Variants in ZNF487 observed in about 807,000 individuals in gnomAD.
ZNF487 encodes zinc finger protein 487, also known as KRAB domain only 1.
ZNF487 carries 4 observed loss-of-function variants against 3.0 expected under a neutral mutation model. The observed-to-expected ratio is 1.35, with a 90% CI of 0.66 to 3.08. The LOEUF (loss-of-function observed/expected upper bound fraction) is 3.08, where lower values mean the gene tolerates loss of function less well. Among genes scored for constraint, ZNF487 ranks in the 30% most tolerant of loss-of-function variants. ZNF487 has a pLI of 0.01. For synonymous variants in ZNF487, 55 were observed against 34.6 expected, an observed-to-expected ratio of 1.59 and a Z score of -2.06; for missense variants, 146 against 98.7, an observed-to-expected ratio of 1.48 and a Z score of -2.03.
chr10:43,455,061 T>C lies in ZNF487; in HGVS notation c.-94+17799T>C, dbSNP rs113814494. Among the ~76,000 whole-genome samples the C allele has an allele frequency of 2.7e-5, 4 of 147,028 alleles. 1 individual carries two copies. Among genetic ancestry groups the C allele is most frequent in the African/African-American group, 1.0e-4 (4 of 39,470 alleles). On this transcript the variant is annotated intron_variant, in intron 1 of 3. Transcript: ENST00000437590. ...TCTCGCTCTGTTGCCCCGTCCGGAGTGCAGTGGGTCCATCTCGGCTCACTG... is the reference window on the plus strand; with the variant it reads ...TCTCGCTCTGTTGCCCCGTCCGGAGCGCAGTGGGTCCATCTCGGCTCACTG...
At chr10:43,520,884 G>A in the ZNF487 span, among the ~76,000 whole-genome samples, 2 of 152,200 alleles carry the variant, frequency 1.3e-5, no homozygotes, top group African/African-American at 2.4e-5. Flanking sequence ...GTAATAAGGA[G>A]TGACAGTTGC....
the ZNF487 span, among the ~76,000 whole-genome samples, chr10:43,518,244 T>C: frequency 6.6e-6 from 1 of 152,188 alleles, no homozygotes; most frequent in South Asian, 2.1e-4. Flanking sequence ...TACACAGTGG[T>C]GAGCTTTTGG....
the ZNF487 span, among the ~76,000 whole-genome samples, chr10:43,521,105 A>T: frequency 6.6e-6 from 1 of 152,192 alleles, no homozygotes; most frequent in Non-Finnish European, 1.5e-5. Flanking sequence ...ATCATGATTC[A>T]TGGTATTCAT....
chr10:43,515,581 AC>A, the ZNF487 span, among the ~76,000 whole-genome samples: 696 of 152,282 alleles, frequency 4.6e-3, 4 homozygotes, highest in African/African-American at 0.015. Flanking sequence ...CAATGCCCTT[AC>A]TTTTGCAATA....
chr10:43,477,956 G>GA (rs756122013), intron 3 of ZNF487, among the ~76,000 whole-genome samples: 5,034 of 112,926 alleles, frequency 0.045, 107 homozygotes, highest in Non-Finnish European at 0.053. Context: ...ATCTCGAAAA[G>GA]AAAAAAAAAA....
the ZNF487 span, among the ~76,000 whole-genome samples, chr10:43,493,389 ACT>A: frequency 6.6e-6 from 1 of 151,444 alleles, no homozygotes; most frequent in Admixed American, 6.6e-5. Flanking sequence ...TTGTATTTGA[ACT>A]CTTTCTAAAA....
At chr10:43,497,694 G>A in the ZNF487 span, among the ~76,000 whole-genome samples, 3 of 152,176 alleles carry the variant, frequency 2.0e-5, no homozygotes, top group East Asian at 1.9e-4. Flanking sequence ...TAGGCTGGGC[G>A]CGGTGGCTCA....
chr10:43,452,994 G>A (rs1389036803), intron 1 of ZNF487: 1 of 151,442 alleles, frequency 6.6e-6, no homozygotes, highest in Non-Finnish European at 1.5e-5. Context: ...GAATGTAGTC[G>A]ACTGGTGATT....
At chr10:43,447,530 C>A (rs1839857227) in intron 1 of ZNF487, among the ~76,000 whole-genome samples, 1 of 152,198 alleles carries the variant, frequency 6.6e-6, no homozygotes, top group East Asian at 1.9e-4. Context: ...GCGTGAGCCA[C>A]CACGCACAGC....
downstream of ZNF487, among the ~76,000 whole-genome samples, chr10:43,488,082 A>G (rs1399017428): frequency 6.6e-6 from 1 of 152,004 alleles, no homozygotes; most frequent in East Asian, 1.9e-4. Context: ...AGCCTGGGTG[A>G]TAGAGCAAGA....
In ZNF487 at chr10:43,455,463, G is replaced by A. The variant is rs114463474; in HGVS notation, c.-94+18201G>A. ...GGGAGAATCCCTGCGCCGTGGGTTCGCTCGCCTTTCCATGCCTGCCGTGCA... is the reference window on the plus strand; with the variant it reads ...GGGAGAATCCCTGCGCCGTGGGTTCACTCGCCTTTCCATGCCTGCCGTGCA... On this transcript the variant is annotated intron_variant, in intron 1 of 3. Coordinates refer to ENST00000437590, the MANE Select transcript of ZNF487 (RefSeq NM_001355444.3). Among the ~76,000 whole-genome samples, 930 of 152,346 alleles carry A rather than the reference G, an allele frequency of 6.1e-3. 9 individuals are homozygous for A. Among genetic ancestry groups the A allele is most frequent in the African/African-American group, 0.018 (738 of 41,590 alleles).
At chr10:43,443,405 G>T in intron 1 of ZNF487, among the ~76,000 whole-genome samples, 1 of 139,230 alleles carries the variant, frequency 7.2e-6, no homozygotes, top group Non-Finnish European at 1.5e-5. Context: ...ATGGAGTCTT[G>T]CTCTGTCACC....
the ZNF487 span, among the ~76,000 whole-genome samples, chr10:43,492,021 C>T: frequency 1.3e-5 from 2 of 151,700 alleles, no homozygotes; most frequent in Non-Finnish European, 2.9e-5. Context: ...GCAGCCTAGA[C>T]CTCCTAGGCT....
chr10:43,450,073 T>C (rs764690196), intron 1 of ZNF487, among the ~76,000 whole-genome samples: 10 of 152,280 alleles, frequency 6.6e-5, no homozygotes, highest in Non-Finnish European at 1.2e-4. Flanking sequence ...GACGGAGTTT[T>C]GCTCTTTTTG....
intron 3 of ZNF487, among the ~76,000 whole-genome samples, chr10:43,479,125 GTATA>G (rs35974301): frequency 6.8e-6 from 1 of 148,052 alleles, no homozygotes; most frequent in Non-Finnish European, 1.5e-5. Context: ...ATATATGTGT[GTATA>G]TATATATATA....
chr10:43,520,643 T>C, the ZNF487 span, among the ~76,000 whole-genome samples: 1 of 152,246 alleles, frequency 6.6e-6, no homozygotes. Context: ...AGCAGTGACA[T>C]ACAAAGTGAT....
intron 1 of ZNF487, among the ~76,000 whole-genome samples, chr10:43,464,823 C>T (rs1192320277): frequency 1.3e-5 from 2 of 152,212 alleles, no homozygotes; most frequent in African/African-American, 2.4e-5. Context: ...CCCACCTTTC[C>T]CCCTTTTCTA....
intron 1 of ZNF487, among the ~76,000 whole-genome samples, chr10:43,450,098 C>T (rs1839953712): frequency 1.3e-5 from 2 of 152,182 alleles, no homozygotes. Context: ...GGCTGGAGTG[C>T]AATGGCACGT....
chr10:43,511,980 A>C, the ZNF487 span, among the ~76,000 whole-genome samples: 1 of 152,208 alleles, frequency 6.6e-6, no homozygotes, highest in Non-Finnish European at 1.5e-5. Context: ...CATTGGCTAC[A>C]GCCAATTAAT....
Sources: gnomAD v4.1 joint callset for allele counts (sites outside exome capture counted in the v4.1 genomes callset) on GRCh38, gnomAD v4.1.1 for gene constraint, MANE v1.5 for transcripts, NCBI Gene and HGNC (gene_info 2026-07-23, HGNC 2026-07-21) for gene names.